Variants in TIAM1 observed in about 807,000 individuals in gnomAD.
The protein encoded by TIAM1 is TIAM Rac1 associated GEF 1.
A neutral mutation model predicts 163.5 loss-of-function variants in TIAM1; 65 were observed. The observed-to-expected ratio is 0.40, with a 90% confidence interval of 0.33 to 0.49. The LOEUF (loss-of-function observed/expected upper bound fraction) is 0.49, where lower values mean the gene tolerates loss of function less well. Among genes scored for constraint, TIAM1 ranks in the 20% least tolerant of loss-of-function variants. The pLI, the probability that TIAM1 is intolerant of heterozygous loss-of-function variation, is 0.77. For missense variants in TIAM1, 1,789 were observed against 2,044.7 expected, an observed-to-expected ratio of 0.87 and a Z score of 2.41; for synonymous variants, 833 against 810.1, an observed-to-expected ratio of 1.03 and a Z score of -0.48.
chr21:31,351,579 G>A (rs1456678167), intron 2 of TIAM1, among the ~76,000 whole-genome samples: 1 of 152,132 alleles, frequency 6.6e-6, no homozygotes, highest in Non-Finnish European at 1.5e-5. Flanking sequence ...GAGGGAGGAC[G>A]CAGTCAAACC....
chr21:31,385,218 T>C (rs924045842), intron 2 of TIAM1, among the ~76,000 whole-genome samples: 20 of 152,208 alleles, frequency 1.3e-4, no homozygotes, highest in Admixed American at 7.2e-4. Context: ...CCTGCCACCA[T>C]GCCTGGCTAA....
intron 1 of TIAM1, among the ~76,000 whole-genome samples, chr21:31,552,502 G>A (rs1195574266): frequency 2.0e-5 from 3 of 152,090 alleles, no homozygotes; most frequent in South Asian, 2.1e-4. Context: ...CGCCAGGCGC[G>A]GTGGCTCACA....
chr21:31,526,726 G>C (rs1473772489), intron 1 of TIAM1, among the ~76,000 whole-genome samples: 1 of 152,022 alleles, frequency 6.6e-6, no homozygotes, highest in Non-Finnish European at 1.5e-5. Flanking sequence ...GTTTGTGACA[G>C]AGTCTCCCTA....
At chr21:31,419,496 G>A (rs1004140459) in intron 2 of TIAM1, among the ~76,000 whole-genome samples, 8 of 152,200 alleles carry the variant, frequency 5.3e-5, no homozygotes, top group African/African-American at 1.9e-4. Flanking sequence ...ACTTACAAGT[G>A]AGCTGTTAAT....
intron 6 of TIAM1, among the ~76,000 whole-genome samples, chr21:31,235,692 T>C (rs2088711973): frequency 6.6e-6 from 1 of 152,236 alleles, no homozygotes; most frequent in Non-Finnish European, 1.5e-5. Context: ...TTTTAAACTA[T>C]GCTGATATTG....
intron 2 of TIAM1, among the ~76,000 whole-genome samples, chr21:31,393,861 T>C (rs1203603280): frequency 6.6e-6 from 1 of 152,216 alleles, no homozygotes; most frequent in Non-Finnish European, 1.5e-5. Flanking sequence ...GAGTTCCAAT[T>C]TCATGTATCT....
intron 2 of TIAM1, among the ~76,000 whole-genome samples, chr21:31,298,786 G>A (rs546620798): frequency 1.1e-3 from 148 of 132,322 alleles, no homozygotes; most frequent in Non-Finnish European, 1.6e-3. Context: ...GAGAGAGAGA[G>A]AAAAAAAAAC....
chr21:31,326,667 G>T (rs1461087658), intron 2 of TIAM1, among the ~76,000 whole-genome samples: 1 of 152,134 alleles, frequency 6.6e-6, no homozygotes, highest in Non-Finnish European at 1.5e-5. Context: ...TTCCCACCAG[G>T]TAATACTCGG....
chr21:31,477,610 G>A (rs1371439349), intron 1 of TIAM1, among the ~76,000 whole-genome samples: 1 of 151,848 alleles, frequency 6.6e-6, no homozygotes, highest in East Asian at 1.9e-4. Flanking sequence ...AAGTAGCTAG[G>A]AGTATAGGTG....
intron 2 of TIAM1, among the ~76,000 whole-genome samples, chr21:31,335,705 C>CAAAAA (rs142300088): frequency 0.11 from 15,466 of 143,326 alleles, 1,146 homozygotes; most frequent in East Asian, 0.43. Flanking sequence ...ACTCTGTCTC[C>CAAAAA]AAAAAAAAAG....
intron 1 of TIAM1, among the ~76,000 whole-genome samples, chr21:31,537,683 C>T (rs1371422906): frequency 1.3e-5 from 2 of 151,578 alleles, no homozygotes; most frequent in African/African-American, 2.4e-5. Flanking sequence ...ACCTGGAAGG[C>T]GGAGGTTGCC....
intron 2 of TIAM1, among the ~76,000 whole-genome samples, chr21:31,304,342 G>A (rs750340267): frequency 4.6e-5 from 7 of 152,102 alleles, no homozygotes; most frequent in African/African-American, 9.7e-5. Context: ...AAAAGTAAAC[G>A]ACAAAATAAT....
At chr21:31,304,228 T>C (rs1282199134) in intron 2 of TIAM1, among the ~76,000 whole-genome samples, 1 of 152,100 alleles carries the variant, frequency 6.6e-6, no homozygotes, top group Non-Finnish European at 1.5e-5. Context: ...AGGTTTCCTA[T>C]CTAAGTTAGT....
At chr21:31,474,614 C>T (rs2045870335) in intron 1 of TIAM1, among the ~76,000 whole-genome samples, 2 of 150,194 alleles carry the variant, frequency 1.3e-5, no homozygotes, top group South Asian at 4.2e-4. Flanking sequence ...GACGTGATCT[C>T]GGCTCACCGC....
chr21:31,243,583 T>A (rs1241820769), intron 6 of TIAM1, among the ~76,000 whole-genome samples: 2 of 152,116 alleles, frequency 1.3e-5, no homozygotes, highest in Non-Finnish European at 2.9e-5. Flanking sequence ...CATAAATATA[T>A]ACACATTGTA....
At chr21:31,464,164 A>G (rs932867934) in intron 1 of TIAM1, 1 of 152,226 alleles carries the variant, frequency 6.6e-6, no homozygotes, top group Non-Finnish European at 1.5e-5. Context: ...AGAGGAGGCA[A>G]CAGCCATCGC....
chr21:31,142,971 A>AGGGGAGGGCAAAATAT (rs1440517305), intron 20 of TIAM1, among the ~76,000 whole-genome samples: 2 of 152,200 alleles, frequency 1.3e-5, no homozygotes, highest in Non-Finnish European at 2.9e-5. Flanking sequence ...AAGGAATGTC[A>AGGGGAGGGCAAAATAT]GGGGAGGGCA....
Position 31,265,958 on chromosome 21 carries a change from A to C in TIAM1, c.963+52T>G. On this transcript the variant is annotated intron_variant, in intron 4 of 27. Transcript: ENST00000541036. ...CTTCTAAGAGCAAAGTCATGCACTTAAAGAGTCATGCACCATTCCCAAAAT... is the reference window on the plus strand; with the variant it reads ...CTTCTAAGAGCAAAGTCATGCACTTCAAGAGTCATGCACCATTCCCAAAAT... 11 of 1,580,650 alleles carry C rather than the reference A, an allele frequency of 7.0e-6. No individual in the cohort carries two copies. In the South Asian group the frequency reaches 1.2e-4, roughly 17 times the overall value.
At chr21:31,125,138 A>G (rs1025153308) in intron 26 of TIAM1, among the ~76,000 whole-genome samples, 1 of 152,076 alleles carries the variant, frequency 6.6e-6, no homozygotes, top group South Asian at 2.1e-4. Context: ...GTAAATATCA[A>G]TGGTTCCCAT....
Sources: allele counts gnomAD v4.1 joint callset (sites outside exome capture counted in the v4.1 genomes callset), GRCh38; gene constraint gnomAD v4.1.1; transcripts MANE v1.5; gene names NCBI Gene and HGNC (gene_info 2026-07-23, HGNC 2026-07-21).